ARFGEF1: variants seen among roughly 807,000 people sequenced by gnomAD.
ARFGEF1 encodes the protein brefeldin A-inhibited guanine nucleotide-exchange protein 1.
A neutral mutation model predicts 231.0 loss-of-function variants in ARFGEF1; 42 were observed. The observed-to-expected ratio is 0.18, with a 90% CI of 0.14 to 0.24. ARFGEF1 has a LOEUF of 0.24. ARFGEF1 is among the 10% of genes least tolerant of loss of function. The pLI, the probability that ARFGEF1 is intolerant of heterozygous loss-of-function variation, is 1.00. For synonymous variants in ARFGEF1, 710 were observed against 732.3 expected (o/e 0.97, Z 0.49); for missense variants, 1,345 against 2,192.0 (o/e 0.61, Z 7.72).
chr8:67,192,482 C>G (rs1443598512), intron 5 of ARFGEF1, among the ~76,000 whole-genome samples: 1 of 152,096 alleles, frequency 6.6e-6, no homozygotes, highest in African/African-American at 2.4e-5. Flanking sequence ...TCTTTTTTCC[C>G]ATTCTGTATC....
chr8:67,201,758 C>T (rs1183461568), intron 36 of ARFGEF1, 153 bp from the exon 37 acceptor site: 13 of 1,008,804 alleles, frequency 1.3e-5, no homozygotes, highest in Non-Finnish European at 1.7e-5. Context: ...AAGGTGATTT[C>T]CATGTCCAGA....
intron 5 of ARFGEF1, among the ~76,000 whole-genome samples, chr8:67,181,898 A>T (rs1833146994): frequency 6.6e-6 from 1 of 152,160 alleles, no homozygotes; most frequent in Non-Finnish European, 1.5e-5. Context: ...CTACTCTAGG[A>T]CCTCATGTAA....
At chr8:67,183,488 A>C (rs765590472) in intron 5 of ARFGEF1, among the ~76,000 whole-genome samples, 17 of 152,244 alleles carry the variant, frequency 1.1e-4, no homozygotes, top group Non-Finnish European at 2.2e-4. Flanking sequence ...AATCAATAAC[A>C]GAAAGATAGC....
chr8:67,211,175 C>T (rs939509734), intron 34 of ARFGEF1, among the ~76,000 whole-genome samples: 1 of 151,614 alleles, frequency 6.6e-6, no homozygotes. Context: ...GAAACCCCGT[C>T]TCGACTAAAA....
chr8:67,182,195 G>T (rs1833219666), intron 5 of ARFGEF1, among the ~76,000 whole-genome samples: 2 of 152,088 alleles, frequency 1.3e-5, no homozygotes, highest in Admixed American at 6.6e-5. Flanking sequence ...TAGAGACAGG[G>T]TTTCACCATG....
At chr8:67,200,240 T>C in intron 38 of ARFGEF1, 156 bp downstream of exon 38, 1 of 695,936 alleles carries the variant, frequency 1.4e-6, no homozygotes, top group Non-Finnish European at 2.7e-6. Flanking sequence ...CTGAGGAAGA[T>C]ACAGCAAGGC....
At chr8:67,340,933 C>T (rs1477586141) in intron 1 of ARFGEF1, among the ~76,000 whole-genome samples, 1 of 152,166 alleles carries the variant, frequency 6.6e-6, no homozygotes, top group Non-Finnish European at 1.5e-5. Context: ...GCTATAGGCC[C>T]TCTAAAGATG....
chr8:67,240,093 T>C (rs1440463856), intron 20 of ARFGEF1, 69 bp downstream of exon 20: 16 of 1,555,032 alleles, frequency 1.0e-5, no homozygotes, highest in Non-Finnish European at 1.2e-5. Flanking sequence ...ATTATTGTAA[T>C]TTAAACTATT....
At chr8:67,194,598 C>CTGTT (rs1491369279), downstream of ARFGEF1, among the ~76,000 whole-genome samples, 1 of 151,802 alleles carries the variant, frequency 6.6e-6, no homozygotes, top group African/African-American at 2.4e-5. Flanking sequence ...AATGTCTACA[C>CTGTT]TGTTTTTTAA....
chr8:67,225,224 A>G (rs781575782), intron 28 of ARFGEF1, among the ~76,000 whole-genome samples, 191 bp from the exon 29 acceptor site: 12 of 152,198 alleles, frequency 7.9e-5, no homozygotes, highest in Admixed American at 5.9e-4. Flanking sequence ...TAGGCAAAAC[A>G]TAACTGCCTA....
chr8:67,259,398 T>C (rs1297136808), intron 15 of ARFGEF1, among the ~76,000 whole-genome samples: 1 of 152,092 alleles, frequency 6.6e-6, no homozygotes, highest in Non-Finnish European at 1.5e-5. Context: ...AGCTAATTTT[T>C]TGTATTTTTA....
At chr8:67,312,656 A>G (rs1411743906) in intron 1 of ARFGEF1, among the ~76,000 whole-genome samples, 3 of 152,252 alleles carry the variant, frequency 2.0e-5, no homozygotes, top group South Asian at 2.1e-4. Flanking sequence ...ATGGAAACAT[A>G]TAACACTATT....
At chr8:67,340,488 A>G (rs529345966) in intron 1 of ARFGEF1, among the ~76,000 whole-genome samples, 4 of 152,250 alleles carry the variant, frequency 2.6e-5, no homozygotes, top group African/African-American at 9.6e-5. Flanking sequence ...AGTGGAGAAG[A>G]TAAGTCTCTA....
intron 29 of ARFGEF1, among the ~76,000 whole-genome samples, chr8:67,222,213 A>G (rs1426373916): frequency 8.1e-6 from 1 of 123,254 alleles, no homozygotes; most frequent in Non-Finnish European, 1.6e-5. Flanking sequence ...ATACACACAC[A>G]TATATATATA....
chr8:67,323,525 C>A (rs1311160241), intron 1 of ARFGEF1, among the ~76,000 whole-genome samples: 1 of 152,142 alleles, frequency 6.6e-6, no homozygotes, highest in Admixed American at 6.5e-5. Flanking sequence ...TTTTCCTCAA[C>A]CCATTTATGT....
chr8:67,193,705 T>C (rs1837067704), downstream of ARFGEF1: 2 of 999,934 alleles, frequency 2.0e-6, no homozygotes, highest in South Asian at 3.2e-5. Flanking sequence ...TGGAATGAGT[T>C]TGAAGACCTT....
intron 1 of ARFGEF1, among the ~76,000 whole-genome samples, chr8:67,337,477 A>T (rs1808403359): frequency 6.6e-6 from 1 of 152,084 alleles, no homozygotes; most frequent in East Asian, 1.9e-4. Context: ...CCACCAACTT[A>T]GCCTAAGTCC....
chr8:67,194,890 A>G (rs1033913195), downstream of ARFGEF1, among the ~76,000 whole-genome samples: 2 of 152,178 alleles, frequency 1.3e-5, no homozygotes, highest in African/African-American at 4.8e-5. Flanking sequence ...AAGTAATCTC[A>G]TGCCAACTAG....
At chr8:67,179,721 T>C (rs966324113) in intron 5 of ARFGEF1, 16 of 588,488 alleles carry the variant, frequency 2.7e-5, no homozygotes, top group East Asian at 5.7e-5. Flanking sequence ...TTTCTGAGCA[T>C]TGGAATGTAG....
Sources: allele counts gnomAD v4.1 joint callset (sites outside exome capture counted in the v4.1 genomes callset), GRCh38; gene constraint gnomAD v4.1.1; transcripts MANE v1.5; gene names NCBI Gene and HGNC (gene_info 2026-07-23, HGNC 2026-07-21).